LAMA2: variants seen among roughly 807,000 people sequenced by gnomAD.
LAMA2 encodes the protein laminin subunit alpha-2.
A neutral mutation model predicts 364.8 loss-of-function variants in LAMA2; 269 were observed. The observed-to-expected ratio is 0.74, with a 90% confidence interval of 0.67 to 0.82. The LOEUF (loss-of-function observed/expected upper bound fraction) is 0.82. Ranked by LOEUF, LAMA2 falls within the 40% of genes least tolerant of loss-of-function variation. The probability of loss-of-function intolerance (pLI) is 0.00; values close to 1 mark genes in which losing one functional copy is unlikely to be tolerated. For missense variants in LAMA2, 3,807 were observed against 3,873.2 expected (o/e 0.98, Z 0.45); for synonymous variants, 1,379 against 1,370.6 (o/e 1.01, Z -0.14).
At chr6:128,914,304 TA>T (rs1778167304) in intron 1 of LAMA2, among the ~76,000 whole-genome samples, 1 of 152,154 alleles carries the variant, frequency 6.6e-6, no homozygotes, top group South Asian at 2.1e-4. Context: ...AACAGGGAGA[TA>T]AATGCTACTT....
chr6:129,207,340 C>G (rs1364534630), intron 12 of LAMA2, among the ~76,000 whole-genome samples: 1 of 150,592 alleles, frequency 6.6e-6, no homozygotes, highest in Non-Finnish European at 1.5e-5. Context: ...GTTTTAATTT[C>G]TCATTCTTGT....
intron 1 of LAMA2, among the ~76,000 whole-genome samples, chr6:129,044,709 TTAGTC>T (rs1333565169): frequency 1.3e-5 from 2 of 152,018 alleles, no homozygotes; most frequent in Non-Finnish European, 1.5e-5. Context: ...CTAAACTTAT[TTAGTC>T]TAGTGCTATT....
At chr6:129,061,866 T>C (rs1401940083) in intron 3 of LAMA2, among the ~76,000 whole-genome samples, 1 of 152,230 alleles carries the variant, frequency 6.6e-6, no homozygotes, top group Non-Finnish European at 1.5e-5. Context: ...CAGGATGGTG[T>C]CCATCCATAT....
chr6:128,951,809 TTTTA>T (rs1780838834), intron 1 of LAMA2, among the ~76,000 whole-genome samples: 2 of 152,194 alleles, frequency 1.3e-5, no homozygotes, highest in Admixed American at 6.5e-5. Flanking sequence ...TTTCTACCCT[TTTTA>T]TTTATTTATT....
chr6:128,934,755 C>T lies in LAMA2; in HGVS notation c.112+51398C>T, dbSNP rs1288899099. 2.0e-5 allele frequency among the ~76,000 whole-genome samples: 3 copies of T among 152,194 alleles called. No individual in the cohort carries two copies. The East Asian group carries it at 5.8e-4, about 29-fold the overall frequency. ...AACTCCTGACCTCAGGTAATCTGCC[C>T]ACCTCAGCCTCCCAAAGTGCTGGGA... On this transcript the variant is annotated intron_variant, in intron 1 of 64. Coordinates refer to ENST00000421865, the MANE Select transcript of LAMA2 (RefSeq NM_000426.4).
chr6:129,120,144 C>A (rs188147811), intron 4 of LAMA2, among the ~76,000 whole-genome samples: 1 of 152,138 alleles, frequency 6.6e-6, no homozygotes, highest in Non-Finnish European at 1.5e-5. Context: ...GATATTCCAG[C>A]CTGAGTCCCT....
At chr6:129,386,374 T>C (rs184736037) in intron 35 of LAMA2, among the ~76,000 whole-genome samples, 1 of 152,056 alleles carries the variant, frequency 6.6e-6, no homozygotes, top group African/African-American at 2.4e-5. Flanking sequence ...TAAAACTGTA[T>C]GTTTATATAT....
intron 10 of LAMA2, among the ~76,000 whole-genome samples, chr6:129,178,511 AAAATG>A (rs1358951102): frequency 6.6e-6 from 1 of 152,214 alleles, no homozygotes; most frequent in Admixed American, 6.5e-5. Flanking sequence ...GCACAAGTGA[AAAATG>A]AAAAGACTGA....
rs186340376 is a variant in LAMA2 at position 129,252,617 on chromosome 6, G to A, written c.2096+322G>A. Among the ~76,000 whole-genome samples the A allele has an allele frequency of 3.7e-4, 56 of 152,272 alleles. No homozygotes were observed. The East Asian group carries it at 9.1e-3, about 25-fold the overall frequency. ...TTTATGATGGCTCATAGCGTGGGAA[G>A]CTAAAAAGATATAAATTCCAGGGCA... On this transcript the variant is annotated intron_variant, in intron 14 of 64. Transcript: ENST00000421865.
chr6:128,883,395 C>A (rs772671509), intron 1 of LAMA2, 38 bp downstream of exon 1: 2 of 1,555,006 alleles, frequency 1.3e-6, no homozygotes, highest in South Asian at 1.2e-5. Context: ...CATCCTTTGC[C>A]GGGACCGAGA....
intron 17 of LAMA2, among the ~76,000 whole-genome samples, chr6:129,274,201 A>G (rs1788139362): frequency 6.6e-6 from 1 of 151,882 alleles, no homozygotes; most frequent in Non-Finnish European, 1.5e-5. Context: ...TAGTTGCACA[A>G]CTGTGATGAG....
chr6:129,123,508 A>G (rs1776930102), intron 4 of LAMA2, among the ~76,000 whole-genome samples: 1 of 152,034 alleles, frequency 6.6e-6, no homozygotes, highest in Non-Finnish European at 1.5e-5. Flanking sequence ...ATGAATAAAT[A>G]AGGAAAATGT....
chr6:129,255,544 T>A (rs1371464694), intron 14 of LAMA2, among the ~76,000 whole-genome samples: 1 of 151,870 alleles, frequency 6.6e-6, no homozygotes, highest in African/African-American at 2.4e-5. Context: ...CCATTGAGAT[T>A]TTGGAGTTGT....
chr6:128,923,870 A>G (rs1002442998), intron 1 of LAMA2, among the ~76,000 whole-genome samples: 3 of 152,196 alleles, frequency 2.0e-5, no homozygotes, highest in Non-Finnish European at 2.9e-5. Context: ...TTTCCAACTC[A>G]GGAAATGCCT....
chr6:128,977,030 T>C (rs1350156073), intron 1 of LAMA2, among the ~76,000 whole-genome samples: 1 of 152,246 alleles, frequency 6.6e-6, no homozygotes, highest in Non-Finnish European at 1.5e-5. Context: ...TATATTTTAT[T>C]CTGCTTTTAT....
intron 1 of LAMA2, among the ~76,000 whole-genome samples, chr6:128,972,868 G>C (rs1782275593): frequency 6.6e-6 from 1 of 152,086 alleles, no homozygotes; most frequent in South Asian, 2.1e-4. Context: ...TCATCTCTCT[G>C]TCTCTTGTAA....
rs1779245967 is a variant in LAMA2, at chr6:129,158,291, G to A, written c.1206+3608G>A. 2.5e-6 allele frequency: 4 copies of A among 1,614,084 alleles called. No homozygotes were observed. The Admixed American group carries it at 6.7e-5, about 27-fold the overall frequency. ...CATGGCGCATTAGCACAGTTTGGTA[G>A]ATTTCTGTTTCTCGAAACCAGCTGG... On this transcript the variant is annotated intron_variant, in intron 8 of 64. Transcript: ENST00000421865.
At chr6:129,450,099 C>T (rs1004096227) in intron 45 of LAMA2, among the ~76,000 whole-genome samples, 23 of 151,814 alleles carry the variant, frequency 1.5e-4, no homozygotes, top group African/African-American at 5.6e-4. Context: ...CCACTGCACC[C>T]GGCTCTGTCT....
chr6:128,973,364 T>C (rs957394498), intron 1 of LAMA2, among the ~76,000 whole-genome samples: 1 of 152,248 alleles, frequency 6.6e-6, no homozygotes, highest in African/African-American at 2.4e-5. Flanking sequence ...TGACATTCTT[T>C]ATAATTTTTC....
Sources: allele counts gnomAD v4.1 joint callset (sites outside exome capture counted in the v4.1 genomes callset), GRCh38; gene constraint gnomAD v4.1.1; transcripts MANE v1.5; gene names NCBI Gene and HGNC (gene_info 2026-07-23, HGNC 2026-07-21).